TLE2: variants seen among roughly 807,000 people sequenced by gnomAD.
TLE2 encodes TLE family member 2, transcriptional corepressor.
In TLE2, 74 loss-of-function variants were observed where a neutral mutation model predicts 97.2. The observed-to-expected ratio is 0.76, with a 90% CI of 0.63 to 0.92. TLE2 has a LOEUF of 0.92. Ranked by LOEUF, TLE2 falls within the 40% of genes least tolerant of loss-of-function variation. The pLI is 0.00. For missense variants in TLE2, 1,038 were observed against 1,008.7 expected, an observed-to-expected ratio of 1.03 and a Z score of -0.39; for synonymous variants, 499 against 432.1, an observed-to-expected ratio of 1.15 and a Z score of -1.92.
intron 4 of TLE2, among the ~76,000 whole-genome samples, chr19:3,026,942 T>C (rs1487879480): frequency 6.7e-6 from 1 of 149,756 alleles, no homozygotes; most frequent in Non-Finnish European, 1.5e-5. Flanking sequence ...GAGGTCTATC[T>C]CAGAACCCTG....
intron 4 of TLE2, among the ~76,000 whole-genome samples, chr19:3,026,686 C>A (rs2089951486): frequency 6.6e-6 from 1 of 151,214 alleles, no homozygotes; most frequent in Non-Finnish European, 1.5e-5. Context: ...TGATGTCTAT[C>A]TCAGAACCCT....
upstream of TLE2, among the ~76,000 whole-genome samples, chr19:3,031,813 C>T (rs908781736): frequency 1.3e-5 from 2 of 152,178 alleles, no homozygotes; most frequent in Non-Finnish European, 2.9e-5. Flanking sequence ...CTCCTCAGAA[C>T]GGCCCCTCCT....
rs138298409 is a variant in TLE2 at position 2,998,573 on chromosome 19, C to T, written c.2125-618G>A. Among the ~76,000 whole-genome samples, 13 of 152,196 alleles carry T rather than the reference C, an allele frequency of 8.5e-5. No homozygotes were observed. In the East Asian group the frequency reaches 9.7e-4, roughly 11 times the overall value. ...GATTACACGCATGAGCCACCGCACC[C>T]GGCCTAATTTTTGTATTTTTAGTAG... On this transcript the variant is annotated intron_variant, in intron 19 of 19. Transcript: ENST00000262953.
Position 3,019,230 on chromosome 19 carries a change from G to A in TLE2, c.550+53C>T, listed in dbSNP as rs947683740. 34 of 1,537,450 alleles carry A rather than the reference G, an allele frequency of 2.2e-5. No homozygotes were observed. The highest frequency in any genetic ancestry group is 1.4e-4 in the African/African-American group (10 of 73,146). Reference sequence around the variant, plus strand: ...TGTTTGCTACCCTGGACTGCCAGTCGTCCTCCCCAGCCCCGTCTCCCCAGC... The same window carrying A: ...TGTTTGCTACCCTGGACTGCCAGTCATCCTCCCCAGCCCCGTCTCCCCAGC... On this transcript the variant is annotated intron_variant, in intron 7 of 19. Coordinates refer to ENST00000262953, the MANE Select transcript of TLE2 (RefSeq NM_003260.5). This position sits in a 1 kb window ranked among gnomAD's most constrained non-coding sequence, Gnocchi z 5.1.
chr19:3,006,172 A>C (rs2089472037), intron 15 of TLE2: 2 of 942,948 alleles, frequency 2.1e-6, no homozygotes, highest in African/African-American at 1.6e-5. Flanking sequence ...TTTACCTATA[A>C]GCCCCACCCA....
intron 8 of TLE2, among the ~76,000 whole-genome samples, chr19:3,016,419 C>CAAAAAAAA (rs34669546): frequency 5.0e-4 from 46 of 91,530 alleles, no homozygotes; most frequent in Non-Finnish European, 5.9e-4. Flanking sequence ...ACTAAAAATA[C>CAAAAAAAA]AAAAAAAAAA....
At position 3,029,093 on chromosome 19, in the gene TLE2, G is replaced by C. The variant is rs888685855; in HGVS notation, c.-189C>G. 918 of 1,255,106 alleles carry C rather than the reference G, an allele frequency of 7.3e-4. No individual in the cohort carries two copies. Among genetic ancestry groups the C allele is most frequent in the Non-Finnish European group, 9.0e-4 (897 of 997,676 alleles). 77.7% of individuals were successfully genotyped at this position (1,255,106 alleles called of 1,614,324 possible). On this transcript the variant is annotated 5_prime_UTR_variant, in exon 1 of 20. Transcript: ENST00000262953. The stretch of plus-strand genomic sequence containing the variant: ...CAAGCGCGCGCGCCCGGGGTCGTGG[G>C]AGCCCCTCCCCGGGTTGGGGTGCGC...
chr19:3,010,850 A>C (rs2089580122), intron 12 of TLE2, among the ~76,000 whole-genome samples, 172 bp downstream of exon 12: 1 of 152,196 alleles, frequency 6.6e-6, no homozygotes, highest in Admixed American at 6.5e-5. Context: ...CCGAGCTGAC[A>C]CAATGAGGAA....
At chr19:3,035,802 C>T (rs1446818292) in intron 1 of TLE2, among the ~76,000 whole-genome samples, 3 of 152,158 alleles carry the variant, frequency 2.0e-5, no homozygotes, top group Admixed American at 1.3e-4. Flanking sequence ...TCGGCGCTCC[C>T]GGCGGGGTTT....
In TLE2 at chr19:3,011,003, CA is replaced by C. The variant is rs2089583651; in HGVS notation, c.1012+18del. The C allele has an allele frequency of 6.3e-7, 1 of 1,596,378 alleles. No homozygotes were observed. The highest frequency in any genetic ancestry group is 1.8e-5 in the Admixed American group (1 of 57,034). On this transcript the variant is annotated intron_variant, in intron 12 of 19. Transcript: ENST00000262953. ...GACGAGGCCTGCTCCAGACAGGCAC[CA>C]ACAGGCAAGGTGCTCACCGACGCTG...
chr19:3,003,025 G>A (rs570253323), intron 17 of TLE2, among the ~76,000 whole-genome samples: 26 of 152,238 alleles, frequency 1.7e-4, no homozygotes, highest in African/African-American at 5.3e-4. Context: ...ATTGGGGGGT[G>A]CCCAGCACCA....
rs767417504 is a variant in TLE2 at position 3,008,875 on chromosome 19, C to T, written c.1244G>A (p.Gly415Glu). 6.3e-7 allele frequency: 1 copy of T among 1,582,340 alleles called. No individual in the cohort carries two copies. The highest frequency in any genetic ancestry group is 1.8e-5 in the Admixed American group (1 of 56,662). The change falls in exon 14 of 20, where the codon GGA becomes GAA. Residue 415 changes from glycine to glutamate, a missense_variant. By Grantham distance (98) the Gly-to-Glu change is moderately conservative (BLOSUM62 -2). Transcript: ENST00000262953. Reference protein sequence around the residue: ...VSSSLPSIPGGKPAYSFHVSA... With the variant: ...VSSSLPSIPGEKPAYSFHVSA... The stretch of plus-strand genomic sequence containing the variant: ...GCCCCACCCTGGTACTCACGGCTTT[C>T]CCCCAGGGATGCTGGGTAGGGAGGA...
rs746185928 is a variant in TLE2 at position 3,013,844 on chromosome 19, C to T, written c.724-26G>A. 2.1e-5 allele frequency: 32 copies of T among 1,494,408 alleles called. 1 individual carries two copies. The East Asian group carries it at 6.4e-4, about 30-fold the overall frequency. The allele number at this position is 1,494,408 out of a possible 1,614,324, so 92.6% of individuals were successfully genotyped here. ...CTGGGTTTGAGGAGGTGACGTTGAG[C>T]AGAGTTGAAATGAGAGGGAAAGAAG... On this transcript the variant is annotated intron_variant, in intron 10 of 19. Transcript: ENST00000262953.
chr19:3,039,548 G>A (rs1304065442), intron 1 of TLE2, among the ~76,000 whole-genome samples: 2 of 152,138 alleles, frequency 1.3e-5, no homozygotes, highest in Non-Finnish European at 2.9e-5. Context: ...CCTGGCTAGA[G>A]TAGCTCCCCT....
In TLE2 at chr19:3,029,192, A is replaced by G. The variant is rs2089997574; in HGVS notation, c.-288T>C. On this transcript the variant is annotated 5_prime_UTR_variant, in exon 1 of 20. Transcript: ENST00000262953. ...AGGGCGGCCGCGGCAGCCGGCGCAGAAGGTCGGGCGCGCCGCGGCCGGGTT... is the reference window on the plus strand; with the variant it reads ...AGGGCGGCCGCGGCAGCCGGCGCAGGAGGTCGGGCGCGCCGCGGCCGGGTT... The G allele has an allele frequency of 9.4e-5, 57 of 608,856 alleles. 1 individual carries two copies. Among genetic ancestry groups the G allele is most frequent in the Non-Finnish European group, 1.1e-4 (56 of 489,980 alleles). 37.7% of individuals were successfully genotyped at this position (608,856 alleles called of 1,614,324 possible). A position where few individuals can be genotyped will look rare whatever the true frequency, so the allele number is the denominator to read the frequency against.
chr19:3,008,440 CT>C (rs2089520305), intron 14 of TLE2, among the ~76,000 whole-genome samples: 1 of 148,804 alleles, frequency 6.7e-6, no homozygotes, highest in African/African-American at 2.5e-5. Context: ...ATGCAAGAGA[CT>C]TTTTTTCTTT....
At chr19:3,042,468 C>T (rs899731879) in intron 1 of TLE2, among the ~76,000 whole-genome samples, 8 of 24,154 alleles carry the variant, frequency 3.3e-4, no homozygotes, top group Admixed American at 6.0e-4. Flanking sequence ...GGGAGGTCAG[C>T]GGCTGGGGGC....
chr19:3,039,146 G>A (rs557728479), intron 1 of TLE2, among the ~76,000 whole-genome samples: 12 of 151,606 alleles, frequency 7.9e-5, no homozygotes, highest in African/African-American at 2.4e-4. Context: ...CCCGGGAGGC[G>A]GAGGTTGCAG....
chr19:3,005,847 G>C lies in TLE2; in HGVS notation c.1622C>G (p.Ala541Gly), dbSNP rs369904286. 6.2e-7 allele frequency: 1 copy of C among 1,613,968 alleles called. No homozygotes were observed. The highest frequency in any genetic ancestry group is 8.5e-7 in the Non-Finnish European group (1 of 1,179,882). The part of the protein sequence containing the change: ...DLAAPTPRIK[A>G]ELTSSAPACY... Reference sequence around the variant, plus strand: ...GGCTGGGGCTGAGGAAGTCAGCTCGGCCTTGATACGGGGGGTGGGCGCCGC... The same window carrying C: ...GGCTGGGGCTGAGGAAGTCAGCTCGCCCTTGATACGGGGGGTGGGCGCCGC... The change falls in exon 16 of 20, where the codon GCC (alanine) becomes GGC (glycine). Residue 541 changes from alanine (A) to glycine (G), a missense_variant. Physicochemically the swap from Ala to Gly is moderately conservative, Grantham distance 60. Transcript: ENST00000262953.
Sources: gnomAD v4.1 joint callset for allele counts (sites outside exome capture counted in the v4.1 genomes callset) on GRCh38, gnomAD v4.1.1 for gene constraint, Gnocchi (gnomAD v3.1) non-coding constraint, MANE v1.5 for transcripts, NCBI Gene and HGNC (gene_info 2026-07-23, HGNC 2026-07-21) for gene names.